The following PHC2 variants were observed in gnomAD, a reference collection of about 807,000 sequenced individuals.
PHC2 encodes the protein polyhomeotic homolog 2.
A neutral mutation model predicts 87.4 loss-of-function variants in PHC2; 29 were observed. The ratio of observed to expected loss-of-function variants is 0.33; its 90% CI spans 0.25 to 0.45. The LOEUF (loss-of-function observed/expected upper bound fraction) is 0.45, where lower values mean the gene tolerates loss of function less well. Ranked by LOEUF, PHC2 falls within the 20% of genes least tolerant of loss-of-function variation. The pLI is 1.00. For synonymous variants in PHC2, 438 were observed against 461.7 expected, an observed-to-expected ratio of 0.95 and a Z score of 0.66; for missense variants, 857 against 1,136.7, an observed-to-expected ratio of 0.75 and a Z score of 3.54.
chr1:33,354,101 C>T (rs887382939), intron 9 of PHC2, among the ~76,000 whole-genome samples: 2 of 152,244 alleles, frequency 1.3e-5, no homozygotes, highest in African/African-American at 4.8e-5. Context: ...TGCCTCCACT[C>T]TCCACTTGGC....
chr1:33,409,547 AAT>A (rs1159512210), intron 1 of PHC2, among the ~76,000 whole-genome samples: 1 of 152,226 alleles, frequency 6.6e-6, no homozygotes, highest in African/African-American at 2.4e-5. Flanking sequence ...CTATAATGAA[AAT>A]ATATACTTTT....
rs1027333109 is a variant in PHC2, at chr1:33,334,204, G to A, written c.1647C>T (p.Ala549=). The change falls in exon 10 of 15, where the codon GCC becomes GCT. Residue 549 remains alanine (A), a synonymous_variant. Coordinates refer to ENST00000683057, the MANE Select transcript of PHC2 (RefSeq NM_001385109.1). The surrounding 1 kb of genome is among the most constrained non-coding windows in gnomAD (Gnocchi z 5.5). ...SGNGNSASSI[A]GTAPQNGENK... ...TCTCACCATTCTGGGGGGCAGTGCC[G>A]GCGATGCTGGAGGCAGAGTTTCCGT... The A allele has an allele frequency of 2.5e-6, 4 of 1,612,962 alleles. No individual in the cohort carries two copies. The highest frequency in any genetic ancestry group is 2.2e-5 in the South Asian group (2 of 90,950).
intron 1 of PHC2, among the ~76,000 whole-genome samples, chr1:33,404,446 G>GT (rs1270894787): frequency 2.6e-5 from 4 of 152,040 alleles, no homozygotes; most frequent in African/African-American, 9.7e-5. Flanking sequence ...CTAATTAAGA[G>GT]TTTTTCCAAA....
rs1273076972 is a variant in PHC2 at position 33,349,653 on chromosome 1, G to A, written c.1558+4748C>T. On this transcript the variant is annotated intron_variant, in intron 9 of 14. Coordinates refer to ENST00000683057, the MANE Select transcript of PHC2 (RefSeq NM_001385109.1). The surrounding 1 kb of genome is among the most constrained non-coding windows in gnomAD (Gnocchi z 4.2). Reference sequence around the variant, plus strand: ...GGGGCCTACGCAGCCCCTCGGCCGGGCGCCGACTCGCGCGGGGTCCCGGGC... The same window carrying A: ...GGGGCCTACGCAGCCCCTCGGCCGGACGCCGACTCGCGCGGGGTCCCGGGC... 16 of 982,934 alleles carry A rather than the reference G, an allele frequency of 1.6e-5. No homozygotes were observed. The African/African-American group carries it at 2.3e-4, about 14-fold the overall frequency. 60.9% of individuals were successfully genotyped at this position (982,934 alleles called of 1,614,324 possible). A position where few individuals can be genotyped will look rare whatever the true frequency, so the allele number is the denominator to read the frequency against.
At chr1:33,346,181 A>C in intron 9 of PHC2, 1 of 984,248 alleles carries the variant, frequency 1.0e-6, no homozygotes, top group African/African-American at 1.8e-5. Context: ...AGTAGACTGC[A>C]TAACGCAGTC....
At chr1:33,326,734 G>A (rs1206653716) in intron 14 of PHC2, among the ~76,000 whole-genome samples, 1 of 152,098 alleles carries the variant, frequency 6.6e-6, no homozygotes, top group Non-Finnish European at 1.5e-5. Flanking sequence ...TGGGTGGATC[G>A]CCTGAGGTAA....
intron 14 of PHC2, among the ~76,000 whole-genome samples, chr1:33,327,444 C>T (rs939119126): frequency 6.6e-6 from 1 of 152,166 alleles, no homozygotes; most frequent in Non-Finnish European, 1.5e-5. Flanking sequence ...GAGGAAGGAA[C>T]ACAAATTTCT....
chr1:33,404,117 A>G (rs924165397), intron 1 of PHC2, among the ~76,000 whole-genome samples: 8 of 152,180 alleles, frequency 5.3e-5, no homozygotes, highest in Admixed American at 4.6e-4. Flanking sequence ...ATATTTCAAA[A>G]TATCTAAATT....
intron 1 of PHC2, among the ~76,000 whole-genome samples, chr1:33,409,382 GTGTGT>G (rs1649894063): frequency 6.6e-6 from 1 of 152,118 alleles, no homozygotes; most frequent in Admixed American, 6.5e-5. Flanking sequence ...TTAAGAAAGA[GTGTGT>G]AACAAGATCT....
In PHC2 at chr1:33,349,660, C is replaced by T. The variant is rs1033172108; in HGVS notation, c.1558+4741G>A. 3 of 982,910 alleles carry T rather than the reference C, an allele frequency of 3.1e-6. No individual in the cohort carries two copies. The highest frequency in any genetic ancestry group is 3.6e-6 in the Non-Finnish European group (3 of 829,374). 60.9% of individuals were successfully genotyped at this position (982,910 alleles called of 1,614,324 possible). ...ACGCAGCCCCTCGGCCGGGCGCCGA[C>T]TCGCGCGGGGTCCCGGGCCCGGGCG... On this transcript the variant is annotated intron_variant, in intron 9 of 14. Coordinates refer to ENST00000683057, the MANE Select transcript of PHC2 (RefSeq NM_001385109.1). This position sits in a 1 kb window ranked among gnomAD's most constrained non-coding sequence, Gnocchi z 4.2.
intron 1 of PHC2, among the ~76,000 whole-genome samples, chr1:33,399,504 G>A (rs1322543786): frequency 6.6e-6 from 1 of 152,174 alleles, no homozygotes; most frequent in Admixed American, 6.5e-5. Context: ...TCTTCTTATT[G>A]GCTAAAATAG....
At position 33,349,364 on chromosome 1, in the gene PHC2, G is replaced by A; in HGVS notation, c.1558+5037C>T. On this transcript the variant is annotated intron_variant, in intron 9 of 14. Transcript: ENST00000683057. This position sits in a 1 kb window ranked among gnomAD's most constrained non-coding sequence, Gnocchi z 4.2. ...GGGGACGCGGAAGCTGCGGCGCGCC[G>A]AGGTGACACGGCTTCCAGGGGCGAC... is the stretch of plus-strand genomic sequence containing the variant. 18 of 985,394 alleles carry A rather than the reference G, an allele frequency of 1.8e-5. No homozygotes were observed. The highest frequency in any genetic ancestry group is 2.2e-5 in the Non-Finnish European group (18 of 829,934). The allele number at this position is 985,394 out of a possible 1,614,324, so 61.0% of individuals were successfully genotyped here.
At chr1:33,429,388 G>C (rs1650809468) in intron 1 of PHC2, among the ~76,000 whole-genome samples, 1 of 152,176 alleles carries the variant, frequency 6.6e-6, no homozygotes, top group African/African-American at 2.4e-5. Flanking sequence ...ACAATAGAAA[G>C]CCATTCCCTA....
Position 33,332,344 on chromosome 1 carries a change from G to A in PHC2, c.1822C>T (p.Pro608Ser). 6.2e-7 allele frequency: 1 copy of A among 1,614,178 alleles called. No individual in the cohort carries two copies. The highest frequency in any genetic ancestry group is 8.5e-7 in the Non-Finnish European group (1 of 1,180,014). ...LKKKYAQGFL[P>S]EKLPQQDHTT... ...TGATCCTGCTGTGGAAGTTTCTCAG[G>A]CAGGAACCCCTGTGCATACTTCTTC... The change falls in exon 11 of 15, where the codon CCT (proline) becomes TCT (serine). Residue 608 changes from proline to serine, a missense_variant. Pro to Ser is a moderately conservative substitution (Grantham distance 74, BLOSUM62 -1). Transcript: ENST00000683057. The surrounding 1 kb of genome is among the most constrained non-coding windows in gnomAD (Gnocchi z 4.2).
At chr1:33,329,979 CGGCAGCTG>C in intron 13 of PHC2, 84 bp downstream of exon 13, 4 of 1,418,650 alleles carry the variant, frequency 2.8e-6, no homozygotes, top group Non-Finnish European at 3.9e-6. Flanking sequence ...GCGCTGAAGT[CGGCAGCTG>C]GAGGGGACCG....
rs971898940 is a variant in PHC2 at position 33,332,778 on chromosome 1, G to A, written c.1762-374C>T. 6.6e-6 allele frequency among the ~76,000 whole-genome samples: 1 copy of A among 152,164 alleles called. No homozygotes were observed. The highest frequency in any genetic ancestry group is 6.5e-5 in the Admixed American group (1 of 15,276). On this transcript the variant is annotated intron_variant, in intron 10 of 14. Coordinates refer to ENST00000683057, the MANE Select transcript of PHC2 (RefSeq NM_001385109.1). The surrounding 1 kb of genome is among the most constrained non-coding windows in gnomAD (Gnocchi z 4.2). The stretch of plus-strand genomic sequence containing the variant: ...CAAGGACAGAGCGGAGTCTGTGTGA[G>A]GCTGTACATACGAGAGAGAGACTCA...
Position 33,349,533 on chromosome 1 carries a change from G to A in PHC2, c.1558+4868C>T, listed in dbSNP as rs1386160942. On this transcript the variant is annotated intron_variant, in intron 9 of 14. Coordinates refer to ENST00000683057, the MANE Select transcript of PHC2 (RefSeq NM_001385109.1). This position sits in a 1 kb window ranked among gnomAD's most constrained non-coding sequence, Gnocchi z 4.2. ...CACCGAGGGCGGTGCCCGACTTCCA[G>A]TGCGGCGAGCGCGGCCCCCGGCCTC... 6 of 983,156 alleles carry A rather than the reference G, an allele frequency of 6.1e-6. No individual in the cohort carries two copies. Among genetic ancestry groups the A allele is most frequent in the Non-Finnish European group, 6.0e-6 (5 of 828,152 alleles). The allele number at this position is 983,156 out of a possible 1,614,324, so 60.9% of individuals were successfully genotyped here.
rs913440809 is a variant in PHC2 at position 33,349,429 on chromosome 1, G to C, written c.1558+4972C>G. On this transcript the variant is annotated intron_variant, in intron 9 of 14. Transcript: ENST00000683057. This position sits in a 1 kb window ranked among gnomAD's most constrained non-coding sequence, Gnocchi z 4.2. The stretch of plus-strand genomic sequence containing the variant: ...CCCAGGCGAGCGAGGCTGGGGAGCA[G>C]GGCACCTCCCAGGCGCCGCGCGGAC... 1 of 985,280 alleles carries C rather than the reference G, an allele frequency of 1.0e-6. No homozygotes were observed. The highest frequency in any genetic ancestry group is 1.7e-5 in the African/African-American group (1 of 57,328). The allele number at this position is 985,280 out of a possible 1,614,324, so 61.0% of individuals were successfully genotyped here.
chr1:33,400,590 G>C (rs1167121770), intron 1 of PHC2, among the ~76,000 whole-genome samples: 1 of 152,188 alleles, frequency 6.6e-6, no homozygotes, highest in Non-Finnish European at 1.5e-5. Context: ...GAGACTCACA[G>C]AGGTTAAGAA....
Sources: allele counts gnomAD v4.1 joint callset (sites outside exome capture counted in the v4.1 genomes callset), GRCh38; gene constraint gnomAD v4.1.1; non-coding constraint Gnocchi (gnomAD v3.1); transcripts MANE v1.5; gene names NCBI Gene and HGNC (gene_info 2026-07-23, HGNC 2026-07-21).